The following KCNH7 variants were observed in gnomAD, a reference collection of about 807,000 sequenced individuals.
The protein encoded by KCNH7 is voltage-gated inwardly rectifying potassium channel KCNH7.
In KCNH7, 49 loss-of-function variants were observed where a neutral mutation model predicts 120.8. That is an observed-to-expected ratio of 0.41 (90% CI 0.32 to 0.51). KCNH7 has a LOEUF of 0.51. Ranked by LOEUF, KCNH7 falls within the 20% of genes least tolerant of loss-of-function variation. KCNH7 has a pLI of 0.38. For missense variants in KCNH7, 1,097 were observed against 1,446.6 expected (o/e 0.76, Z 3.92); for synonymous variants, 547 against 516.1 (o/e 1.06, Z -0.81).
intron 2 of KCNH7, among the ~76,000 whole-genome samples, chr2:162,770,798 T>C (rs976127906): frequency 1.8e-4 from 27 of 152,162 alleles, no homozygotes; most frequent in African/African-American, 6.0e-4. Flanking sequence ...GCTCCAGACT[T>C]GAATTTCCCA....
At chr2:162,611,152 G>A (rs1246651429) in intron 2 of KCNH7, among the ~76,000 whole-genome samples, 1 of 152,180 alleles carries the variant, frequency 6.6e-6, no homozygotes. Context: ...TGAGAGCCAG[G>A]GGGCCCACCG....
chr2:162,473,783 G>A (rs2105655608), intron 6 of KCNH7, among the ~76,000 whole-genome samples: 1 of 152,312 alleles, frequency 6.6e-6, no homozygotes, highest in African/African-American at 2.4e-5. Flanking sequence ...ATACATAGGA[G>A]CTGAGGGAGT....
Position 162,446,279 on chromosome 2 carries a change from G to T in KCNH7, c.1293C>A (p.Phe431Leu). ...TCTGTTCTTCTCTGTCATTGAGGAG[G>T]AAGGCTGCAGAGTAGGGAGTAAATA... is the stretch of plus-strand genomic sequence containing the variant. ...TAIFTPYSAA[F>L]LLNDREEQKR... is the part of the protein sequence containing the mutation. Residue 431 changes from phenylalanine (F) to leucine (L), a missense_variant, in exon 7 of 16, where the codon TTC (phenylalanine) becomes TTA (leucine). This residue lies in a region of KCNH7 where 109 missense variants were observed against 196.8 expected (regional missense o/e 0.55). Transcript: ENST00000332142. The T allele has an allele frequency of 6.2e-7, 1 of 1,613,952 alleles. No individual in the cohort carries two copies.
At chr2:162,753,523 A>G (rs1187869431) in intron 2 of KCNH7, among the ~76,000 whole-genome samples, 1 of 152,162 alleles carries the variant, frequency 6.6e-6, no homozygotes, top group African/African-American at 2.4e-5. Context: ...TGGGTGTTCT[A>G]TTCTATCCTA....
chr2:162,622,181 C>T (rs1242737448), intron 2 of KCNH7, among the ~76,000 whole-genome samples: 1 of 152,172 alleles, frequency 6.6e-6, no homozygotes, highest in Non-Finnish European at 1.5e-5. Flanking sequence ...GTGTGTGCTG[C>T]CCAGAGGAGC....
intron 11 of KCNH7, 65 bp downstream of exon 11, chr2:162,396,675 T>A: frequency 8.4e-7 from 1 of 1,193,300 alleles, no homozygotes; most frequent in Non-Finnish European, 1.2e-6. Flanking sequence ...TCAGAAGTAT[T>A]TGTGCAATTC....
intron 2 of KCNH7, among the ~76,000 whole-genome samples, chr2:162,618,487 CA>C (rs771819714): frequency 3.3e-5 from 5 of 151,874 alleles, no homozygotes; most frequent in Non-Finnish European, 7.4e-5. Flanking sequence ...AATGAATACA[CA>C]GAAATCACTA....
intron 2 of KCNH7, among the ~76,000 whole-genome samples, chr2:162,681,985 G>T (rs929657610): frequency 6.6e-6 from 1 of 150,756 alleles, no homozygotes; most frequent in Non-Finnish European, 1.5e-5. Context: ...TTTTTTCTGT[G>T]TTTTTTTTCA....
chr2:162,810,766 A>T (rs1200102799), intron 2 of KCNH7, among the ~76,000 whole-genome samples: 1 of 152,178 alleles, frequency 6.6e-6, no homozygotes, highest in African/African-American at 2.4e-5. Context: ...ATCACAGTGC[A>T]GAATGTTAAA....
At chr2:162,479,701 G>A (rs1186767017) in intron 6 of KCNH7, among the ~76,000 whole-genome samples, 1 of 149,456 alleles carries the variant, frequency 6.7e-6, no homozygotes, top group Non-Finnish European at 1.5e-5. Flanking sequence ...GTGTGTGTGT[G>A]TGTTGAGATG....
chr2:162,538,455 A>C (rs1008150702), intron 2 of KCNH7, among the ~76,000 whole-genome samples: 1 of 152,010 alleles, frequency 6.6e-6, no homozygotes, highest in Non-Finnish European at 1.5e-5. Flanking sequence ...GAGCAAGATT[A>C]GTCTGGCATG....
intron 2 of KCNH7, chr2:162,795,295 T>C (rs1684102375): frequency 6.6e-6 from 1 of 151,686 alleles, no homozygotes; most frequent in South Asian, 2.1e-4. Flanking sequence ...TTTCAGGGAG[T>C]GTTATGGTGA....
chr2:162,534,109 C>T (rs938637286), intron 3 of KCNH7, among the ~76,000 whole-genome samples: 2 of 151,184 alleles, frequency 1.3e-5, no homozygotes, highest in African/African-American at 4.8e-5. Context: ...TGCATATTTT[C>T]TAGGAAAAAT....
At chr2:162,634,631 G>A (rs76906272) in intron 2 of KCNH7, among the ~76,000 whole-genome samples, 4,126 of 152,038 alleles carry the variant, frequency 0.027, 136 homozygotes, top group East Asian at 0.18. Context: ...GAGACCCAGG[G>A]CCTTAAGGAA....
intron 2 of KCNH7, among the ~76,000 whole-genome samples, chr2:162,585,865 T>C (rs921487184): frequency 3.9e-5 from 6 of 152,048 alleles, no homozygotes; most frequent in Non-Finnish European, 7.4e-5. Flanking sequence ...ATAAATCATA[T>C]ATATTATACA....
chr2:162,460,448 T>C (rs1203781100), intron 6 of KCNH7, among the ~76,000 whole-genome samples: 1 of 152,194 alleles, frequency 6.6e-6, no homozygotes, highest in African/African-American at 2.4e-5. Context: ...GACTTTTTAA[T>C]ATGGAGGATG....
At chr2:162,787,768 G>A (rs1486422939) in intron 2 of KCNH7, among the ~76,000 whole-genome samples, 1 of 152,084 alleles carries the variant, frequency 6.6e-6, no homozygotes, top group African/African-American at 2.4e-5. Context: ...GTAGACCCTG[G>A]TGTCAGGCTG....
At chr2:162,427,039 T>C (rs1687886129) in intron 8 of KCNH7, among the ~76,000 whole-genome samples, 2 of 152,110 alleles carry the variant, frequency 1.3e-5, no homozygotes, top group South Asian at 4.1e-4. Flanking sequence ...CATTCTGTTG[T>C]GTGTATCAGT....
At chr2:162,778,036 C>G (rs1208110357) in intron 2 of KCNH7, among the ~76,000 whole-genome samples, 1 of 151,494 alleles carries the variant, frequency 6.6e-6, no homozygotes, top group African/African-American at 2.4e-5. Flanking sequence ...AATAGCAATT[C>G]AATAAAATTT....
Sources: allele counts gnomAD v4.1 joint callset (sites outside exome capture counted in the v4.1 genomes callset), GRCh38; gene constraint gnomAD v4.1.1; regional missense constraint gnomAD v4.1.1; transcripts MANE v1.5; gene names NCBI Gene and HGNC (gene_info 2026-07-23, HGNC 2026-07-21).